ODAD2: variants seen among roughly 807,000 people sequenced by gnomAD.
ODAD2 encodes the protein outer dynein arm-docking complex subunit 2.
In ODAD2, 89 loss-of-function variants were observed where a neutral mutation model predicts 106.8. The observed-to-expected ratio is 0.83, with a 90% CI of 0.70 to 0.99. ODAD2 has a LOEUF of 0.99. Ranked by LOEUF, ODAD2 falls within the 50% of genes least tolerant of loss-of-function variation. The pLI, the probability that ODAD2 is intolerant of heterozygous loss-of-function variation, is 0.00. For synonymous variants in ODAD2, 404 were observed against 436.2 expected (o/e 0.93, Z 0.92); for missense variants, 1,168 against 1,238.5 (o/e 0.94, Z 0.85).
chr10:27,960,853 G>A (rs543252935), intron 10 of ODAD2, among the ~76,000 whole-genome samples: 1 of 152,232 alleles, frequency 6.6e-6, no homozygotes, highest in East Asian at 1.9e-4. Context: ...AATACTTCTG[G>A]ACGTCGGCTT....
chr10:27,816,049 C>T (rs1349881432), intron 19 of ODAD2, among the ~76,000 whole-genome samples: 1 of 152,202 alleles, frequency 6.6e-6, no homozygotes, highest in Non-Finnish European at 1.5e-5. Context: ...CTCACACTCA[C>T]TCCCACCCTC....
At chr10:27,911,591 C>T (rs977069984) in intron 16 of ODAD2, among the ~76,000 whole-genome samples, 2 of 152,190 alleles carry the variant, frequency 1.3e-5, no homozygotes, top group African/African-American at 4.8e-5. Context: ...TCACAGGCCA[C>T]AGAGCTTCTC....
At chr10:27,926,295 C>T (rs1845256912) in intron 16 of ODAD2, among the ~76,000 whole-genome samples, 1 of 151,758 alleles carries the variant, frequency 6.6e-6, no homozygotes, top group Admixed American at 6.6e-5. Context: ...AGGAACTCAA[C>T]CAATAAGAGA....
intron 17 of ODAD2, among the ~76,000 whole-genome samples, chr10:27,875,999 G>A (rs1352988693): frequency 6.6e-6 from 1 of 152,206 alleles, no homozygotes; most frequent in East Asian, 1.9e-4. Context: ...GCCTGGGGGA[G>A]GGGCACCCGC....
chr10:27,957,834 C>T (rs776888125), intron 10 of ODAD2, among the ~76,000 whole-genome samples: 22 of 152,074 alleles, frequency 1.4e-4, no homozygotes, highest in South Asian at 4.1e-4. Flanking sequence ...TTAATGAGCT[C>T]GTTAAATCTT....
In ODAD2 at chr10:27,849,988, C is replaced by T. The variant is rs187187480; in HGVS notation, c.3021+10637G>A. 1.6e-4 allele frequency among the ~76,000 whole-genome samples: 25 copies of T among 152,250 alleles called. No homozygotes were observed. The East Asian group carries it at 4.2e-3, about 26-fold the overall frequency. ...GTCCCTGATCTCTGTCAGGGGAACC[C>T]GAAGTTCCATGAGTCACGGTTTGAA... On this transcript the variant is annotated intron_variant, in intron 19 of 19. Coordinates refer to ENST00000305242, the MANE Select transcript of ODAD2 (RefSeq NM_018076.5).
At chr10:27,921,298 C>T (rs911620290) in intron 16 of ODAD2, among the ~76,000 whole-genome samples, 7 of 136,164 alleles carry the variant, frequency 5.1e-5, no homozygotes, top group African/African-American at 8.3e-5. Flanking sequence ...CCACCTCCAA[C>T]GAAAAAAAAA....
intron 17 of ODAD2, among the ~76,000 whole-genome samples, chr10:27,891,831 G>A (rs762998733): frequency 1.3e-4 from 20 of 151,996 alleles, no homozygotes; most frequent in African/African-American, 2.4e-4. Flanking sequence ...GAAAATAATC[G>A]TGTGATACGA....
intron 17 of ODAD2, among the ~76,000 whole-genome samples, chr10:27,883,930 G>A (rs1265196387): frequency 6.6e-6 from 1 of 151,262 alleles, no homozygotes; most frequent in African/African-American, 2.4e-5. Context: ...AGAGACCTGG[G>A]GGACATCATC....
chr10:27,890,858 A>C (rs1241595259), intron 17 of ODAD2, among the ~76,000 whole-genome samples: 1 of 152,104 alleles, frequency 6.6e-6, no homozygotes, highest in Non-Finnish European at 1.5e-5. Context: ...CATACTTAGA[A>C]CTATTTGGTG....
chr10:27,841,587 G>A (rs1042746034), intron 19 of ODAD2, among the ~76,000 whole-genome samples: 1 of 151,500 alleles, frequency 6.6e-6, no homozygotes, highest in Non-Finnish European at 1.5e-5. Context: ...GTAAAGACGG[G>A]GTTTCACCAT....
intron 17 of ODAD2, among the ~76,000 whole-genome samples, chr10:27,868,182 A>T (rs1840593596): frequency 6.6e-6 from 1 of 152,104 alleles, no homozygotes; most frequent in East Asian, 1.9e-4. Flanking sequence ...AAGAAACAAC[A>T]TGCTTGTGAG....
At chr10:27,897,701 T>C (rs1589957212) in intron 17 of ODAD2, among the ~76,000 whole-genome samples, 1 of 152,152 alleles carries the variant, frequency 6.6e-6, no homozygotes, top group African/African-American at 2.4e-5. Context: ...CAATGATAAA[T>C]GCATACAAGA....
At chr10:27,946,468 A>G (rs1846937231) in intron 10 of ODAD2, among the ~76,000 whole-genome samples, 1 of 152,120 alleles carries the variant, frequency 6.6e-6, no homozygotes, top group South Asian at 2.1e-4. Context: ...ATGTGTAGTG[A>G]TCAAATCAGG....
chr10:27,920,875 A>G (rs1844730425), intron 16 of ODAD2, among the ~76,000 whole-genome samples: 1 of 151,866 alleles, frequency 6.6e-6, no homozygotes, highest in African/African-American at 2.4e-5. Flanking sequence ...AAAAAAAACT[A>G]TGTAAATGCA....
chr10:27,885,908 T>A (rs1232517319), intron 17 of ODAD2, among the ~76,000 whole-genome samples: 6 of 123,774 alleles, frequency 4.8e-5, no homozygotes, highest in East Asian at 2.1e-4. Flanking sequence ...TATATAAAAA[T>A]ATATATATAT....
intron 1 of ODAD2, among the ~76,000 whole-genome samples, 192 bp downstream of exon 1, chr10:27,998,802 C>A (rs1850712201): frequency 6.6e-6 from 1 of 152,108 alleles, no homozygotes; most frequent in Non-Finnish European, 1.5e-5. Context: ...GCCGCACTCA[C>A]CTGCAGCACC....
chr10:27,990,635 C>T (rs1343885988), intron 2 of ODAD2, among the ~76,000 whole-genome samples: 2 of 152,142 alleles, frequency 1.3e-5, no homozygotes, highest in Non-Finnish European at 2.9e-5. Flanking sequence ...GAAATTTTAC[C>T]AAAATGCAAT....
chr10:27,879,434 T>C (rs574231459), intron 17 of ODAD2, among the ~76,000 whole-genome samples: 70 of 151,656 alleles, frequency 4.6e-4, no homozygotes, highest in Non-Finnish European at 4.0e-4. Context: ...TAGGAATATA[T>C]GTATATATTA....
Sources: gnomAD v4.1 joint callset for allele counts (sites outside exome capture counted in the v4.1 genomes callset) on GRCh38, gnomAD v4.1.1 for gene constraint, MANE v1.5 for transcripts, NCBI Gene and HGNC (gene_info 2026-07-23, HGNC 2026-07-21) for gene names.